Variants in ZNF385D observed in about 807,000 individuals in gnomAD.
The protein encoded by ZNF385D is zinc finger protein 659.
Under a neutral mutation model 35.8 loss-of-function variants are expected in ZNF385D, and 15 were observed. The ratio of observed to expected loss-of-function variants is 0.42; its 90% CI spans 0.28 to 0.64. The LOEUF is 0.64. ZNF385D is among the 30% of genes least tolerant of loss of function. The pLI, the probability that ZNF385D is intolerant of heterozygous loss-of-function variation, is 0.23. For synonymous variants in ZNF385D, 212 were observed against 186.8 expected (o/e 1.13, Z -1.10); for missense variants, 474 against 494.6 (o/e 0.96, Z 0.39).
chr3:21,546,953 C>T (rs773604073), intron 3 of ZNF385D, among the ~76,000 whole-genome samples: 1 of 152,014 alleles, frequency 6.6e-6, no homozygotes, highest in Non-Finnish European at 1.5e-5. Flanking sequence ...TCCCTCTCTG[C>T]CCTACATACC....
At chr3:22,140,813 T>C (rs115974445) in intron 3 of ZNF385D, among the ~76,000 whole-genome samples, 166 of 152,332 alleles carry the variant, frequency 1.1e-3, no homozygotes, top group African/African-American at 3.9e-3. Context: ...AATTACTTCC[T>C]TGAAGGCCAA....
intron 3 of ZNF385D, among the ~76,000 whole-genome samples, chr3:21,952,655 A>T (rs1169251075): frequency 6.6e-6 from 1 of 151,950 alleles, no homozygotes; most frequent in Non-Finnish European, 1.5e-5. Context: ...TTTAACTACT[A>T]ACTCCGAGCT....
intron 3 of ZNF385D, among the ~76,000 whole-genome samples, chr3:21,930,324 C>A (rs190468523): frequency 8.8e-4 from 131 of 149,096 alleles, no homozygotes; most frequent in African/African-American, 3.1e-3. Flanking sequence ...ACATAACAAC[C>A]AAATCTAAAA....
chr3:22,206,972 T>G (rs1697199866), intron 2 of ZNF385D, among the ~76,000 whole-genome samples: 1 of 151,852 alleles, frequency 6.6e-6, no homozygotes. Context: ...ATGAAAAGTT[T>G]TTTTGGATAT....
At chr3:21,729,150 G>A (rs370157501) in intron 1 of ZNF385D, among the ~76,000 whole-genome samples, 171 of 152,262 alleles carry the variant, frequency 1.1e-3, no homozygotes, top group African/African-American at 3.8e-3. Flanking sequence ...AAGGAAGGGT[G>A]AGCAAGAGGT....
chr3:21,641,203 T>C lies in ZNF385D; in HGVS notation c.165+23683A>G, dbSNP rs148635125. ...CATCCTTCTCATTAGTCCACTTTCA[T>C]CAACACTGGAAATCACTCCCTACCT... On this transcript the variant is annotated intron_variant, in intron 2 of 7. Transcript: ENST00000281523. 4.8e-3 allele frequency among the ~76,000 whole-genome samples: 723 copies of C among 152,198 alleles called. 7 individuals carry two copies. The highest frequency in any genetic ancestry group is 0.015 in the African/African-American group (625 of 41,548).
chr3:22,043,730 C>A (rs1354400605), intron 3 of ZNF385D, among the ~76,000 whole-genome samples: 1 of 150,760 alleles, frequency 6.6e-6, no homozygotes, highest in African/African-American at 2.4e-5. Flanking sequence ...TGTGGCTGGA[C>A]CTAGAGATTT....
In ZNF385D at chr3:21,441,804, T is replaced by G. The variant is rs180947093; in HGVS notation, c.440-4601A>C. The G allele has an allele frequency of 1.1e-4, 105 of 920,866 alleles. No homozygotes were observed. In the East Asian group the frequency reaches 9.3e-3, roughly 82 times the overall value. The allele number at this position is 920,866 out of a possible 1,614,324, so 57.0% of individuals were successfully genotyped here. On this transcript the variant is annotated intron_variant, in intron 4 of 7. Transcript: ENST00000281523. ...TTCTTACTGTTTCCCAAAGGCTGAT[T>G]CAGATTTCTTTGCACTACTCTACCA...
intron 2 of ZNF385D, among the ~76,000 whole-genome samples, chr3:22,175,141 A>G (rs1417633461): frequency 6.6e-6 from 1 of 151,984 alleles, no homozygotes; most frequent in Non-Finnish European, 1.5e-5. Flanking sequence ...AATGGAGTTT[A>G]TAATTCTTAT....
intron 2 of ZNF385D, among the ~76,000 whole-genome samples, chr3:22,224,150 G>A (rs1698418409): frequency 6.6e-6 from 1 of 152,122 alleles, no homozygotes; most frequent in South Asian, 2.1e-4. Context: ...TGAGGAGAAA[G>A]AACATTTGTA....
intron 1 of ZNF385D, among the ~76,000 whole-genome samples, chr3:21,727,351 C>T (rs1329025802): frequency 6.6e-6 from 1 of 152,106 alleles, no homozygotes; most frequent in African/African-American, 2.4e-5. Flanking sequence ...AGACCTTCTG[C>T]ACAGCAAAAG....
chr3:21,979,747 G>C (rs951045563), intron 3 of ZNF385D: 3 of 152,210 alleles, frequency 2.0e-5, no homozygotes, highest in Admixed American at 6.6e-5. Flanking sequence ...GGAAGATGAA[G>C]AGGAGATAAG....
At chr3:21,522,883 T>C (rs1349132644) in intron 3 of ZNF385D, among the ~76,000 whole-genome samples, 1 of 152,250 alleles carries the variant, frequency 6.6e-6, no homozygotes, top group African/African-American at 2.4e-5. Context: ...AAGAAAGTTC[T>C]AATCCAAAGA....
chr3:21,938,700 T>G (rs1701375264), intron 3 of ZNF385D, among the ~76,000 whole-genome samples: 2 of 152,182 alleles, frequency 1.3e-5, no homozygotes, highest in Admixed American at 1.3e-4. Flanking sequence ...CTTACCGTGC[T>G]TCATGTGCAC....
rs978254219 is a variant in ZNF385D at position 22,171,226 on chromosome 3, G to A, written c.107-2191C>T. On this transcript the variant is annotated intron_variant, in intron 2 of 5. Coordinates refer to the ZNF385D transcript ENST00000494108. ...AATGCTACAGAGATAGTCACAGTAG[G>A]TGTGCCCTTGTAACACATCATTTTT... is the stretch of plus-strand genomic sequence containing the variant. 3.9e-4 allele frequency among the ~76,000 whole-genome samples: 59 copies of A among 152,192 alleles called. 1 individual carries two copies. Among genetic ancestry groups the A allele is most frequent in the Admixed American group, 3.7e-3 (57 of 15,276 alleles).
intron 3 of ZNF385D, among the ~76,000 whole-genome samples, chr3:21,964,433 G>GAAAAAAAAAAA (rs10558356): frequency 1.1e-5 from 1 of 94,472 alleles, no homozygotes; most frequent in Non-Finnish European, 1.9e-5. Flanking sequence ...AAAAAAAAAA[G>GAAAAAAAAAAA]AAAAAAAAAA....
At chr3:22,111,593 A>C (rs1329300083) in intron 3 of ZNF385D, among the ~76,000 whole-genome samples, 2 of 152,098 alleles carry the variant, frequency 1.3e-5, no homozygotes, top group African/African-American at 4.8e-5. Context: ...ATTTTGTTCA[A>C]CCATTGCTGA....
intron 2 of ZNF385D, among the ~76,000 whole-genome samples, chr3:21,660,756 T>G (rs2066214096): frequency 6.6e-6 from 1 of 152,204 alleles, no homozygotes; most frequent in Non-Finnish European, 1.5e-5. Flanking sequence ...ACTATACCTC[T>G]GATAACAAAC....
chr3:22,134,586 C>G (rs2125692348), intron 3 of ZNF385D, among the ~76,000 whole-genome samples: 1 of 152,238 alleles, frequency 6.6e-6, no homozygotes, highest in Middle Eastern at 3.4e-3. Flanking sequence ...GGGACATTTA[C>G]TAAAAGAGGC....
Sources: allele counts gnomAD v4.1 joint callset (sites outside exome capture counted in the v4.1 genomes callset), GRCh38; gene constraint gnomAD v4.1.1; transcripts MANE v1.5; gene names NCBI Gene and HGNC (gene_info 2026-07-23, HGNC 2026-07-21).